Variants in CNTN4 observed in about 807,000 individuals in gnomAD.
The protein encoded by CNTN4 is contactin 4.
CNTN4 carries 77 observed loss-of-function variants against 122.5 expected under a neutral mutation model. The observed-to-expected ratio is 0.63, with a 90% CI of 0.52 to 0.76. The LOEUF (loss-of-function observed/expected upper bound fraction) is 0.76, where lower values mean the gene tolerates loss of function less well. Among genes scored for constraint, CNTN4 ranks in the 30% least tolerant of loss-of-function variants. CNTN4 has a pLI of 0.00. For missense variants in CNTN4, 1,256 were observed against 1,259.1 expected (o/e 1.00, Z 0.04); for synonymous variants, 512 against 447.0 (o/e 1.15, Z -1.83).
intron 13 of CNTN4, among the ~76,000 whole-genome samples, chr3:2,933,338 T>G (rs2094541241): frequency 6.6e-6 from 1 of 152,172 alleles, no homozygotes; most frequent in Non-Finnish European, 1.5e-5. Flanking sequence ...AGGGCTAGTT[T>G]ATACAGGGGA....
intron 4 of CNTN4, among the ~76,000 whole-genome samples, chr3:2,704,442 T>A (rs548123790): frequency 1.3e-5 from 2 of 151,654 alleles, no homozygotes; most frequent in South Asian, 2.1e-4. Context: ...GTAAAATCAA[T>A]TTAAAAAATA....
At chr3:2,743,371 C>T (rs1488384149) in intron 5 of CNTN4, among the ~76,000 whole-genome samples, 1 of 152,122 alleles carries the variant, frequency 6.6e-6, no homozygotes, top group African/African-American at 2.4e-5. Flanking sequence ...ACTTTCTTGT[C>T]TGTGTCAGAG....
At chr3:2,782,596 T>C (rs1229739072) in intron 6 of CNTN4, among the ~76,000 whole-genome samples, 2 of 151,670 alleles carry the variant, frequency 1.3e-5, no homozygotes, top group Admixed American at 1.3e-4. Context: ...CCCAGAACAT[T>C]ATAGCTGTTT....
At chr3:2,282,453 T>C (rs1393807900) in intron 2 of CNTN4, among the ~76,000 whole-genome samples, 4 of 152,152 alleles carry the variant, frequency 2.6e-5, no homozygotes, top group Non-Finnish European at 5.9e-5. Context: ...CATGCTCTCC[T>C]TAGTTTTATT....
At chr3:2,244,090 C>G (rs577851214) in intron 2 of CNTN4, among the ~76,000 whole-genome samples, 7 of 151,924 alleles carry the variant, frequency 4.6e-5, no homozygotes, top group Non-Finnish European at 7.4e-5. Flanking sequence ...GTACTGAACC[C>G]TTATATATAC....
At chr3:2,833,662 A>G (rs2093152028) in intron 7 of CNTN4, among the ~76,000 whole-genome samples, 1 of 152,228 alleles carries the variant, frequency 6.6e-6, no homozygotes, top group African/African-American at 2.4e-5. Flanking sequence ...GGGAGCTGCC[A>G]CAAAAACACT....
chr3:2,188,624 G>C (rs547276950), intron 2 of CNTN4, among the ~76,000 whole-genome samples: 1 of 152,264 alleles, frequency 6.6e-6, no homozygotes, highest in South Asian at 2.1e-4. Context: ...TACTCTATAG[G>C]CATTAATCTG....
At chr3:2,627,490 CTT>C (rs869106549) in intron 4 of CNTN4, among the ~76,000 whole-genome samples, 65 of 116,204 alleles carry the variant, frequency 5.6e-4, no homozygotes, top group Non-Finnish European at 8.6e-4. Flanking sequence ...CATTAAGTGT[CTT>C]TTTTTTTTTT....
At chr3:3,034,542 A>AATG in intron 16 of CNTN4, 90 bp from the exon 17 acceptor site, 1 of 1,309,488 alleles carries the variant, frequency 7.6e-7, no homozygotes, top group Non-Finnish European at 1.1e-6. Flanking sequence ...TAGATAAATG[A>AATG]ATGGGTCAAT....
At chr3:2,327,732 T>C (rs2043520724) in intron 2 of CNTN4, among the ~76,000 whole-genome samples, 1 of 152,150 alleles carries the variant, frequency 6.6e-6, no homozygotes, top group South Asian at 2.1e-4. Context: ...CCAGAATAAA[T>C]AGATGTTCCT....
chr3:2,240,678 A>G (rs544613792), intron 2 of CNTN4, among the ~76,000 whole-genome samples: 5 of 151,738 alleles, frequency 3.3e-5, no homozygotes, highest in Middle Eastern at 3.4e-3. Flanking sequence ...TAGGAAAACT[A>G]TGTAACTCAT....
At chr3:2,524,073 A>G (rs1208988814) in intron 3 of CNTN4, among the ~76,000 whole-genome samples, 1 of 152,132 alleles carries the variant, frequency 6.6e-6, no homozygotes, top group Non-Finnish European at 1.5e-5. Context: ...ACAGAATTGT[A>G]TAACCATCAG....
At chr3:2,207,027 TTATTA>T (rs965171931) in intron 2 of CNTN4, among the ~76,000 whole-genome samples, 8 of 133,936 alleles carry the variant, frequency 6.0e-5, no homozygotes, top group South Asian at 2.8e-4. Flanking sequence ...TTTCTTCTTA[TTATTA>T]TATTGTTACA....
intron 23 of CNTN4, among the ~76,000 whole-genome samples, chr3:3,048,815 T>G (rs1159350374): frequency 2.6e-5 from 4 of 152,206 alleles, no homozygotes; most frequent in Non-Finnish European, 5.9e-5. Flanking sequence ...TTCACTAAGT[T>G]GTCTGAATTC....
At chr3:2,125,765 GCAGGA>G (rs1220006909) in intron 2 of CNTN4, among the ~76,000 whole-genome samples, 1 of 151,650 alleles carries the variant, frequency 6.6e-6, no homozygotes, top group Non-Finnish European at 1.5e-5. Context: ...ACCGTGTTAA[GCAGGA>G]TGGTCTCGAT....
At chr3:2,127,601 T>C (rs1298376701) in intron 2 of CNTN4, among the ~76,000 whole-genome samples, 1 of 152,176 alleles carries the variant, frequency 6.6e-6, no homozygotes, top group Non-Finnish European at 1.5e-5. Flanking sequence ...AATTTGAGTA[T>C]CTTCACTTTT....
intron 3 of CNTN4, among the ~76,000 whole-genome samples, chr3:2,555,602 C>G (rs954549773): frequency 3.3e-5 from 5 of 152,132 alleles, no homozygotes; most frequent in African/African-American, 1.2e-4. Context: ...TGGAGTTCAT[C>G]TAAGCTACAA....
intron 3 of CNTN4, among the ~76,000 whole-genome samples, chr3:2,443,654 T>C (rs980848981): frequency 1.3e-5 from 2 of 152,220 alleles, no homozygotes; most frequent in Admixed American, 6.5e-5. Context: ...ATTTTAAATA[T>C]GTATTTCAGT....
At chr3:2,541,122 G>T (rs1163831155) in intron 3 of CNTN4, among the ~76,000 whole-genome samples, 1 of 152,096 alleles carries the variant, frequency 6.6e-6, no homozygotes, top group Non-Finnish European at 1.5e-5. Flanking sequence ...GATTTAGGGT[G>T]TTTGAAGAAT....
Sources: gnomAD v4.1 joint callset for allele counts (sites outside exome capture counted in the v4.1 genomes callset) on GRCh38, gnomAD v4.1.1 for gene constraint, MANE v1.5 for transcripts, NCBI Gene and HGNC (gene_info 2026-07-23, HGNC 2026-07-21) for gene names.